The following DLGAP1 variants were observed in gnomAD, a reference collection of about 807,000 sequenced individuals.
The protein encoded by DLGAP1 is DLG associated protein 1.
DLGAP1 carries 11 observed loss-of-function variants against 90.8 expected under a neutral mutation model. That is an observed-to-expected ratio of 0.12 (90% CI 0.08 to 0.20). DLGAP1 has a LOEUF of 0.20. Among genes scored for constraint, DLGAP1 ranks in the 10% least tolerant of loss-of-function variants. The pLI is 1.00. For synonymous variants in DLGAP1, 558 were observed against 540.7 expected, an observed-to-expected ratio of 1.03 and a Z score of -0.44; for missense variants, 1,050 against 1,333.8, an observed-to-expected ratio of 0.79 and a Z score of 3.31.
At chr18:4,002,204 T>C (rs12961818) in intron 3 of DLGAP1, among the ~76,000 whole-genome samples, 134,351 of 152,088 alleles carry the variant, frequency 0.88, 59,751 homozygotes, top group African/African-American at 0.97. Context: ...ACCAAAATTT[T>C]AGCAACGAAA....
At chr18:3,683,624 G>A (rs1227061346) in intron 7 of DLGAP1, among the ~76,000 whole-genome samples, 2 of 152,178 alleles carry the variant, frequency 1.3e-5, no homozygotes, top group African/African-American at 2.4e-5. Flanking sequence ...CTATATGAGG[G>A]ATGTGCAGCA....
intron 7 of DLGAP1, among the ~76,000 whole-genome samples, chr18:3,617,753 T>G (rs1473991141): frequency 6.6e-6 from 1 of 150,954 alleles, no homozygotes; most frequent in Admixed American, 6.6e-5. Context: ...AAAGTGTAAT[T>G]GCCGGGCATG....
intron 2 of DLGAP1, among the ~76,000 whole-genome samples, chr18:4,093,480 C>T (rs1413957425): frequency 1.3e-5 from 2 of 151,932 alleles, no homozygotes; most frequent in Admixed American, 6.6e-5. Context: ...GTGGATTTTG[C>T]GTTTTGTCTG....
intron 4 of DLGAP1, among the ~76,000 whole-genome samples, chr18:3,827,050 A>C (rs1186969732): frequency 2.6e-5 from 4 of 152,212 alleles, no homozygotes; most frequent in Non-Finnish European, 5.9e-5. Context: ...AAGAAGGAGT[A>C]GACTCAGGAT....
intron 1 of DLGAP1, among the ~76,000 whole-genome samples, chr18:4,310,542 T>C (rs1181036413): frequency 6.6e-6 from 1 of 152,210 alleles, no homozygotes; most frequent in Non-Finnish European, 1.5e-5. Flanking sequence ...ACTCCTTTTA[T>C]GTGATTTCCT....
At position 4,407,750 on chromosome 18, in the gene DLGAP1, G is replaced by A. The variant is rs183223833; in HGVS notation, c.-267+47256C>T. Among the ~76,000 whole-genome samples the A allele has an allele frequency of 1.0e-3, 152 of 152,132 alleles. 2 individuals are homozygous for A. The highest frequency in any genetic ancestry group is 4.4e-5 in the Non-Finnish European group (3 of 68,000). On this transcript the variant is annotated intron_variant, in intron 1 of 12. Transcript: ENST00000315677. ...ACAAAAAAATTAGCTGGGAGTGGTG[G>A]CATGTGTCTGTAATCCCAGCTACTC...
intron 4 of DLGAP1, among the ~76,000 whole-genome samples, chr18:3,834,569 A>G (rs2068262282): frequency 6.6e-6 from 1 of 152,188 alleles, no homozygotes; most frequent in South Asian, 2.1e-4. Context: ...AAATGAATGG[A>G]CACTCCATAT....
At chr18:3,719,520 G>A (rs1219907929) in intron 7 of DLGAP1, among the ~76,000 whole-genome samples, 1 of 136,832 alleles carries the variant, frequency 7.3e-6, no homozygotes, top group African/African-American at 2.9e-5. Context: ...GCGCGCCACT[G>A]CACTCCAGCC....
At chr18:3,881,937 A>G (rs757828135) in intron 3 of DLGAP1, among the ~76,000 whole-genome samples, 1 of 150,624 alleles carries the variant, frequency 6.6e-6, no homozygotes, top group African/African-American at 2.5e-5. Flanking sequence ...AACAAACACT[A>G]AGATGAATAA....
Position 4,454,985 on chromosome 18 carries a change from C to T in DLGAP1, c.-267+21G>A, listed in dbSNP as rs1194395005. ...GCCGCCGCCGCGCACGCCCCAGCCCCGCGGCGCAGCCCGGCGTTACCTGGC... is the reference window on the plus strand; with the variant it reads ...GCCGCCGCCGCGCACGCCCCAGCCCTGCGGCGCAGCCCGGCGTTACCTGGC... On this transcript the variant is annotated intron_variant, in intron 1 of 12. Transcript: ENST00000315677. The surrounding 1 kb of genome is among the most constrained non-coding windows in gnomAD (Gnocchi z 4.7). 6.6e-6 allele frequency: 1 copy of T among 150,950 alleles called. No homozygotes were observed. Among genetic ancestry groups the T allele is most frequent in the Non-Finnish European group, 1.5e-5 (1 of 67,664 alleles). The allele number at this position is 150,950 out of a possible 1,614,324, so 9.4% of individuals were successfully genotyped here.
intron 2 of DLGAP1, among the ~76,000 whole-genome samples, chr18:4,077,303 A>G (rs2075538137): frequency 6.6e-6 from 1 of 152,156 alleles, no homozygotes; most frequent in Admixed American, 6.5e-5. Context: ...TTCATGTTTA[A>G]CTTCCTAAAT....
At chr18:3,900,582 G>A (rs1427935276) in intron 3 of DLGAP1, among the ~76,000 whole-genome samples, 4 of 152,164 alleles carry the variant, frequency 2.6e-5, no homozygotes, top group Admixed American at 2.0e-4. Flanking sequence ...CAAAAGGAGT[G>A]GAAGAAAGCC....
At chr18:3,863,734 C>T (rs184611171) in intron 4 of DLGAP1, among the ~76,000 whole-genome samples, 15 of 152,330 alleles carry the variant, frequency 9.8e-5, no homozygotes, top group Middle Eastern at 3.4e-3. Context: ...CCCCAGGGCC[C>T]GCTCAGCCCC....
Position 3,742,501 on chromosome 18 carries a change from T to G in DLGAP1, c.1184A>C (p.Glu395Ala). Residue 395 changes from glutamate (E) to alanine (A), a missense_variant, in exon 6 of 13, where the codon GAA becomes GCA. Physicochemically the swap from Glu to Ala is moderately radical, Grantham distance 107. Transcript: ENST00000315677. The part of the protein sequence containing the change: ...TELTTLKISN[E>A]HSPKLQIRSH... ...CCGGATCTGGAGTTTGGGTGAGTGTTCATTGGAGATTCTGGAAGGGAACAA... is the reference window on the plus strand; with the variant it reads ...CCGGATCTGGAGTTTGGGTGAGTGTGCATTGGAGATTCTGGAAGGGAACAA... 1 of 1,614,144 alleles carries G rather than the reference T, an allele frequency of 6.2e-7. No individual in the cohort carries two copies. The highest frequency in any genetic ancestry group is 8.5e-7 in the Non-Finnish European group (1 of 1,180,020).
At position 4,067,035 on chromosome 18, in the gene DLGAP1, C is replaced by T. The variant is rs112695656; in HGVS notation, c.-158-61834G>A. Among the ~76,000 whole-genome samples the T allele has an allele frequency of 1.3e-3, 198 of 152,068 alleles. 2 individuals carry two copies. The highest frequency in any genetic ancestry group is 4.4e-3 in the African/African-American group (183 of 41,510). On this transcript the variant is annotated intron_variant, in intron 2 of 12. Coordinates refer to ENST00000315677, the MANE Select transcript of DLGAP1 (RefSeq NM_004746.4). ...ATCATGTCCTTTGCAGGGACGTGGA[C>T]GGAGCAGGGTGCCATTATCCTTAGC...
At chr18:4,045,674 C>T (rs1209738348) in intron 2 of DLGAP1, among the ~76,000 whole-genome samples, 4 of 151,532 alleles carry the variant, frequency 2.6e-5, no homozygotes, top group African/African-American at 9.7e-5. Context: ...TTCTCTCCTA[C>T]CATTTAATTA....
At chr18:4,220,903 T>C (rs1253284444) in intron 1 of DLGAP1, among the ~76,000 whole-genome samples, 3 of 152,168 alleles carry the variant, frequency 2.0e-5, no homozygotes, top group Non-Finnish European at 2.9e-5. Context: ...TATAAGATTA[T>C]AATATCATAT....
rs770774706 is a variant in DLGAP1, at chr18:3,681,114, C to T, written c.1591+48021G>A. Among the ~76,000 whole-genome samples the T allele has an allele frequency of 8.1e-4, 123 of 152,198 alleles. 4 individuals carry two copies. In the Middle Eastern group the frequency reaches 9.5e-3, roughly 12 times the overall value. On this transcript the variant is annotated intron_variant, in intron 7 of 12. Coordinates refer to ENST00000315677, the MANE Select transcript of DLGAP1 (RefSeq NM_004746.4). Reference sequence around the variant, plus strand: ...CACAAAATGGAGGCTGATGAGAGTTCAGTTCAATGACTGTTTCCAACACTA... The same window carrying T: ...CACAAAATGGAGGCTGATGAGAGTTTAGTTCAATGACTGTTTCCAACACTA...
At chr18:3,856,809 C>T (rs866790729) in intron 4 of DLGAP1, among the ~76,000 whole-genome samples, 25 of 151,554 alleles carry the variant, frequency 1.6e-4, no homozygotes, top group Middle Eastern at 3.2e-3. Context: ...TGCAGTGAGC[C>T]GAGATTCCGC....
Sources: gnomAD v4.1 joint callset for allele counts (sites outside exome capture counted in the v4.1 genomes callset) on GRCh38, gnomAD v4.1.1 for gene constraint, Gnocchi (gnomAD v3.1) non-coding constraint, MANE v1.5 for transcripts, NCBI Gene and HGNC (gene_info 2026-07-23, HGNC 2026-07-21) for gene names.